UTRN: variants seen among roughly 807,000 people sequenced by gnomAD.
UTRN encodes dystrophin-related protein 1.
In UTRN, 283 loss-of-function variants were observed where a neutral mutation model predicts 463.9. That is an observed-to-expected ratio of 0.61 (90% confidence interval 0.55 to 0.67). The LOEUF (loss-of-function observed/expected upper bound fraction) is 0.67. UTRN is among the 30% of genes least tolerant of loss of function. UTRN has a pLI of 0.00. For missense variants in UTRN, 3,922 were observed against 4,084.3 expected, an observed-to-expected ratio of 0.96 and a Z score of 1.08; for synonymous variants, 1,442 against 1,431.5, an observed-to-expected ratio of 1.01 and a Z score of -0.17.
intron 41 of UTRN, among the ~76,000 whole-genome samples, chr6:144,528,800 T>C (rs1796785071): frequency 6.6e-6 from 1 of 152,202 alleles, no homozygotes; most frequent in Non-Finnish European, 1.5e-5. Context: ...AGATGGTGCT[T>C]ACAAGAGAGC....
intron 2 of UTRN, among the ~76,000 whole-genome samples, chr6:144,402,799 C>T (rs944730784): frequency 6.6e-6 from 1 of 152,134 alleles, no homozygotes; most frequent in South Asian, 2.1e-4. Context: ...GAAAGTGCTA[C>T]GGGTACTAGC....
intron 53 of UTRN, among the ~76,000 whole-genome samples, chr6:144,704,922 A>T (rs898716182): frequency 6.6e-6 from 1 of 152,200 alleles, no homozygotes. Flanking sequence ...AGATCACGCC[A>T]CTGCACTCCA....
intron 2 of UTRN, among the ~76,000 whole-genome samples, chr6:144,316,923 TCAA>T (rs534655477): frequency 6.6e-4 from 100 of 152,120 alleles, no homozygotes; most frequent in African/African-American, 2.2e-3. Flanking sequence ...AAAGCAAAAA[TCAA>T]CAACAATGCA....
intron 14 of UTRN, among the ~76,000 whole-genome samples, chr6:144,446,355 A>G (rs4615408): frequency 0.07 from 10,732 of 152,278 alleles, 503 homozygotes; most frequent in Admixed American, 0.16. Context: ...GACTGAGGAC[A>G]GTATCCATTG....
chr6:144,422,937 C>G (rs1784965542), intron 4 of UTRN, among the ~76,000 whole-genome samples: 1 of 152,178 alleles, frequency 6.6e-6, no homozygotes, highest in African/African-American at 2.4e-5. Flanking sequence ...TGATTCCTCT[C>G]TCAGATAAGG....
chr6:144,771,721 G>A (rs948233195), intron 58 of UTRN, among the ~76,000 whole-genome samples, 186 bp from the exon 59 acceptor site: 1 of 151,752 alleles, frequency 6.6e-6, no homozygotes, highest in African/African-American at 2.4e-5. Flanking sequence ...CACTGCCCCT[G>A]GCCAATGTTT....
At chr6:144,659,100 C>T (rs1471041040) in intron 51 of UTRN, among the ~76,000 whole-genome samples, 2 of 152,188 alleles carry the variant, frequency 1.3e-5, no homozygotes, top group South Asian at 2.1e-4. Flanking sequence ...AATTAATCAA[C>T]GCGTATTTCC....
At chr6:144,564,732 G>T (rs979173195) in intron 50 of UTRN, among the ~76,000 whole-genome samples, 3 of 152,034 alleles carry the variant, frequency 2.0e-5, no homozygotes, top group Non-Finnish European at 4.4e-5. Flanking sequence ...TCATTATCAC[G>T]AGAACAACAT....
chr6:144,711,639 T>C (rs1441628779), intron 53 of UTRN, among the ~76,000 whole-genome samples: 1 of 152,258 alleles, frequency 6.6e-6, no homozygotes, highest in Non-Finnish European at 1.5e-5. Flanking sequence ...CATAACAATG[T>C]AAATATTAAG....
chr6:144,514,220 A>G lies in UTRN; in HGVS notation c.5073+183A>G, dbSNP rs2128591912. ...AAAATAAGAGACGAACTTGAAATTG[A>G]AAGACTTGTAAGAGATTTCAGCACA... On this transcript the variant is annotated intron_variant, in intron 36 of 74. Transcript: ENST00000367545. Among the ~76,000 whole-genome samples the G allele has an allele frequency of 2.0e-5, 3 of 152,366 alleles. No homozygotes were observed. The South Asian group carries it at 6.2e-4, about 32-fold the overall frequency.
chr6:144,784,713 A>G (rs1481583874), intron 61 of UTRN, among the ~76,000 whole-genome samples: 1 of 152,234 alleles, frequency 6.6e-6, no homozygotes, highest in Admixed American at 6.5e-5. Context: ...GCCGTGATTC[A>G]TATTCTAGGG....
In UTRN at chr6:144,678,459, A is replaced by T. The variant is rs1562752820; in HGVS notation, c.7533A>T (p.Gly2511=). 6.2e-7 allele frequency: 1 copy of T among 1,613,344 alleles called. No homozygotes were observed. Among genetic ancestry groups the T allele is most frequent in the Non-Finnish European group, 8.5e-7 (1 of 1,179,652 alleles). ...AHNDIFKSID[G]NRQKMVKALG... ...ATGACATATTTAAAAGCATTGACGG[A>T]AACAGGCAGAAGATGGTAAAAGCTT... Residue 2511 remains glycine (G), a synonymous_variant, in exon 52 of 75, where the codon GGA becomes GGT. Transcript: ENST00000367545.
Position 144,734,350 on chromosome 6 carries a change from T to C in UTRN, c.7939+3864T>C, listed in dbSNP as rs187371353. On this transcript the variant is annotated intron_variant, in intron 54 of 74. Coordinates refer to ENST00000367545, the MANE Select transcript of UTRN (RefSeq NM_007124.3). The stretch of plus-strand genomic sequence containing the variant: ...CTGTAGATGGGAGAAACTGATATTA[T>C]CAGCAGTAGAGTAATTGGATTATTG... Among the ~76,000 whole-genome samples, 12 of 152,340 alleles carry C rather than the reference T, an allele frequency of 7.9e-5. No homozygotes were observed. In the East Asian group the frequency reaches 2.3e-3, roughly 29 times the overall value.
At chr6:144,384,712 T>C (rs1270485114) in intron 2 of UTRN, among the ~76,000 whole-genome samples, 3 of 152,236 alleles carry the variant, frequency 2.0e-5, no homozygotes. Context: ...TCCATGTTCA[T>C]CCATGTTGTA....
intron 53 of UTRN, among the ~76,000 whole-genome samples, chr6:144,727,188 T>C (rs1231768608): frequency 6.6e-6 from 1 of 152,214 alleles, no homozygotes; most frequent in African/African-American, 2.4e-5. Context: ...CTGCCTCTGC[T>C]CTTCCTTCTC....
chr6:144,344,090 C>CAAAAAAAAAAAAAAAAAAAAACA (rs34356247), intron 2 of UTRN: 1 of 728,340 alleles, frequency 1.4e-6, no homozygotes. Flanking sequence ...TAAAAGCCAC[C>CAAAAAAAAAAAAAAAAAAAAACA]AAAAAAAAAA....
intron 72 of UTRN, 60 bp from the exon 73 acceptor site, chr6:144,840,680 T>C: frequency 6.3e-7 from 1 of 1,585,418 alleles, no homozygotes; most frequent in Non-Finnish European, 8.6e-7. Flanking sequence ...ATTTGGGTTT[T>C]AGTGGAAGGC....
Position 144,557,372 on chromosome 6 carries a change from G to A in UTRN, c.7289+61G>A, listed in dbSNP as rs901010418. On this transcript the variant is annotated intron_variant, in intron 50 of 74. Coordinates refer to ENST00000367545, the MANE Select transcript of UTRN (RefSeq NM_007124.3). ...TCAAGTTGAGAATTTGATGGCTTTGGCTTTCTCGTGGAAACCTGCCAAACA... is the reference window on the plus strand; with the variant it reads ...TCAAGTTGAGAATTTGATGGCTTTGACTTTCTCGTGGAAACCTGCCAAACA... 4.6e-6 allele frequency: 7 copies of A among 1,538,448 alleles called. No individual in the cohort carries two copies. In the African/African-American group the frequency reaches 5.5e-5, roughly 12 times the overall value.
chr6:144,395,719 C>T (rs1317563855), intron 2 of UTRN, among the ~76,000 whole-genome samples: 1 of 152,136 alleles, frequency 6.6e-6, no homozygotes, highest in Non-Finnish European at 1.5e-5. Flanking sequence ...AAAGCAATTT[C>T]TGAATCCCAG....
Sources: gnomAD v4.1 joint callset for allele counts (sites outside exome capture counted in the v4.1 genomes callset) on GRCh38, gnomAD v4.1.1 for gene constraint, MANE v1.5 for transcripts, NCBI Gene and HGNC (gene_info 2026-07-23, HGNC 2026-07-21) for gene names.